The following FAAP20 variants were observed in gnomAD, a reference collection of about 807,000 sequenced individuals.
FAAP20 encodes FA core complex associated protein 20, also known as Fanconi anemia core complex-associated protein 20.
A neutral mutation model predicts 16.2 loss-of-function variants in FAAP20; 12 were observed. The ratio of observed to expected loss-of-function variants is 0.74; its 90% CI spans 0.48 to 1.20. FAAP20 has a LOEUF of 1.20. Among genes scored for constraint, FAAP20 ranks in the 50% most tolerant of loss-of-function variants. FAAP20 has a pLI of 0.00. For synonymous variants in FAAP20, 141 were observed against 110.7 expected, an observed-to-expected ratio of 1.27 and a Z score of -1.72; for missense variants, 288 against 245.8, an observed-to-expected ratio of 1.17 and a Z score of -1.15.
chr1:2,195,353 C>T (rs1453788004), upstream of FAAP20, among the ~76,000 whole-genome samples: 1 of 152,212 alleles, frequency 6.6e-6, no homozygotes, highest in East Asian at 1.9e-4. Context: ...CAAAGTCGGC[C>T]ACGTGGTGGC....
chr1:2,211,034 G>A (rs1689420365), downstream of FAAP20, among the ~76,000 whole-genome samples: 2 of 152,108 alleles, frequency 1.3e-5, no homozygotes, highest in South Asian at 2.1e-4. Context: ...AGAGCTGTGC[G>A]ACCTGGGGCC....
At chr1:2,190,185 G>A (rs765740199) in intron 3 of FAAP20, 1 of 473,104 alleles carries the variant, frequency 2.1e-6, no homozygotes, top group South Asian at 1.5e-5. Flanking sequence ...TCTACAGGAG[G>A]CAGAAGAGTA....
chr1:2,194,894 C>T (rs1688734946), upstream of FAAP20: 1 of 762,434 alleles, frequency 1.3e-6, no homozygotes, highest in Non-Finnish European at 1.6e-6. Context: ...TGATCCCAGC[C>T]TGTAGGGAAA....
downstream of FAAP20, among the ~76,000 whole-genome samples, chr1:2,208,040 C>T (rs1472148888): frequency 6.6e-6 from 1 of 152,142 alleles, no homozygotes. Flanking sequence ...GCGGTGTTTC[C>T]GCCCCAGGGC....
chr1:2,195,311 C>G (rs867561359), upstream of FAAP20, among the ~76,000 whole-genome samples: 1 of 152,062 alleles, frequency 6.6e-6, no homozygotes, highest in Admixed American at 6.5e-5. Flanking sequence ...AGCTGAGGGG[C>G]TTTCCTGCCT....
At chr1:2,204,255 G>A (rs977038554), upstream of FAAP20, among the ~76,000 whole-genome samples, 1 of 152,360 alleles carries the variant, frequency 6.6e-6, no homozygotes, top group African/African-American at 2.4e-5. Context: ...CCAGGTGCCC[G>A]GCTGTTGGTC....
At chr1:2,186,138 G>A (rs904892308), downstream of FAAP20, 2 of 449,764 alleles carry the variant, frequency 4.4e-6, no homozygotes, top group Admixed American at 4.7e-5. Context: ...ATGCCTCTGA[G>A]TGAGGCCTGG....
At chr1:2,199,197 G>C (rs990312898), upstream of FAAP20, 1 of 1,170,060 alleles carries the variant, frequency 8.5e-7, no homozygotes, top group Admixed American at 4.0e-5. This position sits in a 1 kb window ranked among gnomAD's most constrained non-coding sequence, Gnocchi z 4.5. Context: ...CAGCATCCCC[G>C]ACCAGACAGG....
At chr1:2,189,022 A>AAC (rs1553182616), downstream of FAAP20, among the ~76,000 whole-genome samples, 24 of 144,418 alleles carry the variant, frequency 1.7e-4, no homozygotes, top group East Asian at 4.1e-4. Flanking sequence ...AAAAAAAAAA[A>AAC]AAAAAACAAA....
intron 3 of FAAP20, chr1:2,192,793 T>A (rs1688382918): frequency 3.5e-6 from 4 of 1,129,712 alleles, no homozygotes; most frequent in Non-Finnish European, 4.7e-6. Context: ...AAAGATGGGA[T>A]CTTGCCATGT....
At chr1:2,203,515 C>T (rs1689126617), upstream of FAAP20, 8 of 985,788 alleles carry the variant, frequency 8.1e-6, no homozygotes, top group South Asian at 2.3e-4. Context: ...CTGACCTGTG[C>T]ACCTGACAGG....
downstream of FAAP20, chr1:2,186,091 C>T (rs1440641981): frequency 4.4e-6 from 2 of 454,254 alleles, no homozygotes; most frequent in Admixed American, 4.7e-5. Context: ...GCAGAGCCGT[C>T]TTCTGAGCTC....
At chr1:2,193,037 G>C in intron 3 of FAAP20, 1 of 1,293,716 alleles carries the variant, frequency 7.7e-7, no homozygotes, top group South Asian at 1.2e-5. Flanking sequence ...TCTGAAACCT[G>C]CCGCCCATTA....
chr1:2,207,033 C>A (rs1438814067), intron 1 of FAAP20, among the ~76,000 whole-genome samples: 1 of 152,116 alleles, frequency 6.6e-6, no homozygotes, highest in African/African-American at 2.4e-5. Flanking sequence ...GGCACTGTTT[C>A]CTGTCGAAGT....
At chr1:2,198,936 G>A, upstream of FAAP20, 1 of 1,289,686 alleles carries the variant, frequency 7.8e-7, no homozygotes, top group Non-Finnish European at 1.0e-6. Flanking sequence ...CAGTTGCCTG[G>A]GAAACATCGC....
chr1:2,210,547 C>T (rs1009898268), downstream of FAAP20, among the ~76,000 whole-genome samples: 1 of 152,168 alleles, frequency 6.6e-6, no homozygotes, highest in Non-Finnish European at 1.5e-5. Flanking sequence ...CCCAGCAACC[C>T]CCCAGGTAAG....
At chr1:2,210,692 A>G (rs1369212644), downstream of FAAP20, among the ~76,000 whole-genome samples, 1 of 152,196 alleles carries the variant, frequency 6.6e-6, no homozygotes, top group Non-Finnish European at 1.5e-5. Flanking sequence ...GGGTCTCTGC[A>G]TGCACAGCAG....
chr1:2,192,700 A>G (rs1195442171), intron 3 of FAAP20: 7 of 1,186,208 alleles, frequency 5.9e-6, no homozygotes, highest in Non-Finnish European at 7.5e-6. Context: ...TACAGCCTCC[A>G]ATTCCTGGCT....
At chr1:2,193,433 C>G in intron 3 of FAAP20, 1 of 772,140 alleles carries the variant, frequency 1.3e-6, no homozygotes, top group Non-Finnish European at 2.0e-6. Flanking sequence ...CCTGCCCTGC[C>G]CACAGAGCAC....
Sources: gnomAD v4.1 joint callset for allele counts (sites outside exome capture counted in the v4.1 genomes callset) on GRCh38, gnomAD v4.1.1 for gene constraint, Gnocchi (gnomAD v3.1) non-coding constraint, MANE v1.5 for transcripts, NCBI Gene and HGNC (gene_info 2026-07-23, HGNC 2026-07-21) for gene names.